The following UCKL1 variants were observed in gnomAD, a reference collection of about 807,000 sequenced individuals.
The protein encoded by UCKL1 is uridine-cytidine kinase 1 like 1, also known as uridine-cytidine kinase-like 1.
A neutral mutation model predicts 59.2 loss-of-function variants in UCKL1; 65 were observed. The observed-to-expected ratio is 1.10, with a 90% CI of 0.90 to 1.35. The LOEUF (loss-of-function observed/expected upper bound fraction) is 1.35, where lower values mean the gene tolerates loss of function less well. UCKL1 is among the 40% of genes most tolerant of loss of function. The pLI, the probability that UCKL1 is intolerant of heterozygous loss-of-function variation, is 0.00. For synonymous variants in UCKL1, 410 were observed against 323.1 expected (o/e 1.27, Z -2.88); for missense variants, 703 against 784.3 (o/e 0.90, Z 1.24).
intron 1 of UCKL1, among the ~76,000 whole-genome samples, chr20:63,949,157 G>A (rs960844686): frequency 6.6e-6 from 1 of 152,198 alleles, no homozygotes; most frequent in Non-Finnish European, 1.5e-5. Context: ...AGTGAGCACG[G>A]GGAATAATCA....
At position 63,941,052 on chromosome 20, in the gene UCKL1, C is replaced by T. The variant is rs1229805631; in HGVS notation, c.1023-9G>A. On this transcript the variant is annotated splice_polypyrimidine_tract_variant and intron_variant, in intron 9 of 14. Transcript: ENST00000354216. Reference sequence around the variant, plus strand: ...GACTGGTCTCCTTGTCCCTGTGGGGCCAACAGTTGAGCGGGAGCACGCGCC... The same window carrying T: ...GACTGGTCTCCTTGTCCCTGTGGGGTCAACAGTTGAGCGGGAGCACGCGCC... 6.3e-7 allele frequency: 1 copy of T among 1,588,974 alleles called. No homozygotes were observed. The highest frequency in any genetic ancestry group is 1.4e-5 in the African/African-American group (1 of 73,806).
intron 7 of UCKL1, among the ~76,000 whole-genome samples, chr20:63,944,048 C>G (rs547484847): frequency 1.3e-5 from 2 of 152,184 alleles, no homozygotes; most frequent in Non-Finnish European, 2.9e-5. Context: ...CCTGGCCTGG[C>G]GTGGGACTCA....
intron 1 of UCKL1, among the ~76,000 whole-genome samples, chr20:63,952,108 C>T (rs1206647764): frequency 6.6e-6 from 1 of 152,228 alleles, no homozygotes; most frequent in East Asian, 1.9e-4. Context: ...TTCCTCTCCT[C>T]ATTCTGCTCC....
At chr20:63,954,974 G>C (rs994450037) in intron 1 of UCKL1, 1 of 152,258 alleles carries the variant, frequency 6.6e-6, no homozygotes, top group African/African-American at 2.4e-5. Flanking sequence ...TTGGTGGCTG[G>C]GCGCGGTGGC....
At chr20:63,952,587 C>T (rs1346544294) in intron 1 of UCKL1, among the ~76,000 whole-genome samples, 1 of 152,234 alleles carries the variant, frequency 6.6e-6, no homozygotes, top group Admixed American at 6.5e-5. Flanking sequence ...ACTTCCTGAG[C>T]TGGGCCGGTC....
chr20:63,940,982 T>C lies in UCKL1; in HGVS notation c.1084A>G (p.Ile362Val). 1 of 1,529,912 alleles carries C rather than the reference T, an allele frequency of 6.5e-7. No individual in the cohort carries two copies. The highest frequency in any genetic ancestry group is 8.8e-7 in the Non-Finnish European group (1 of 1,136,486). 94.8% of individuals were successfully genotyped at this position (1,529,912 alleles called of 1,614,324 possible). Residue 362 changes from isoleucine to valine, a missense_variant, in exon 10 of 15, where the codon ATC (isoleucine) becomes GTC (valine). By Grantham distance (29) the Ile-to-Val change is conservative. Around this residue, in one of 4 missense-constraint regions of UCKL1, gnomAD observed 156 missense variants for 185.6 expected, o/e 0.84. Transcript: ENST00000354216. ...GGCAGGAAGGAGAGCGCGTGCTCGATGAGCAGCCGCATCAGTCTCTTGGAG... is the reference window on the plus strand; with the variant it reads ...GGCAGGAAGGAGAGCGCGTGCTCGACGAGCAGCCGCATCAGTCTCTTGGAG... ...FYSKRLMRLLIEHALSFLPFQ... is the reference protein window; with the variant it reads ...FYSKRLMRLLVEHALSFLPFQ...
chr20:63,942,486 T>C, intron 8 of UCKL1: 2 of 1,175,312 alleles, frequency 1.7e-6, no homozygotes, highest in African/African-American at 1.6e-5. Context: ...CAACGTAGCT[T>C]CCTCTGCTTG....
chr20:63,942,417 A>G, intron 8 of UCKL1: 1 of 1,173,530 alleles, frequency 8.5e-7, no homozygotes, highest in South Asian at 1.6e-5. Context: ...CAGCGGGGCA[A>G]GGGGCTACGG....
At chr20:63,949,024 G>A (rs2057134055) in intron 1 of UCKL1, among the ~76,000 whole-genome samples, 1 of 152,134 alleles carries the variant, frequency 6.6e-6, no homozygotes, top group Non-Finnish European at 1.5e-5. Context: ...CCTGGGCCCA[G>A]AGAACAGTGT....
At chr20:63,950,343 A>C (rs1404296876) in intron 1 of UCKL1, among the ~76,000 whole-genome samples, 1 of 152,176 alleles carries the variant, frequency 6.6e-6, no homozygotes, top group East Asian at 1.9e-4. Context: ...TGGAGGCTGC[A>C]GTGGGAGGAC....
chr20:63,943,184 A>G (rs1272140078), intron 8 of UCKL1, among the ~76,000 whole-genome samples: 1 of 152,212 alleles, frequency 6.6e-6, no homozygotes, highest in Admixed American at 6.5e-5. Flanking sequence ...AGCTGGGGCA[A>G]GCAGGACCCG....
At chr20:63,944,295 A>C in intron 7 of UCKL1, 102 bp downstream of exon 7, 1 of 1,185,958 alleles carries the variant, frequency 8.4e-7, no homozygotes, top group Non-Finnish European at 1.2e-6. Flanking sequence ...GGGGACAGTG[A>C]ACGCAGGGGG....
intron 1 of UCKL1, among the ~76,000 whole-genome samples, chr20:63,947,226 G>A (rs1247377371): frequency 6.6e-6 from 1 of 152,240 alleles, no homozygotes; most frequent in Non-Finnish European, 1.5e-5. Context: ...AAGGAGGAGA[G>A]GCGCTATCTT....
intron 1 of UCKL1, among the ~76,000 whole-genome samples, chr20:63,952,070 C>T (rs1483769896): frequency 1.3e-5 from 2 of 152,186 alleles, no homozygotes; most frequent in Admixed American, 6.5e-5. Context: ...GAGGCAGGAC[C>T]GGCCCATCTG....
In UCKL1 at chr20:63,946,179, G is replaced by C; in HGVS notation, c.393C>G (p.Ser131=). Residue 131 remains serine (S), a synonymous_variant, in exon 3 of 15, where the codon TCC becomes TCG. Coordinates refer to ENST00000354216, the MANE Select transcript of UCKL1 (RefSeq NM_017859.4). ...ALDVPWVVLL[S]MDSFYKVLTE... is the part of the protein sequence containing the mutation. ...GGCCCACCTTGTAGAAGGAGTCCAT[G>C]GACAGCAAGACCACCCAGGGCACAT... The C allele has an allele frequency of 6.2e-7, 1 of 1,612,178 alleles. No homozygotes were observed. The highest frequency in any genetic ancestry group is 8.5e-7 in the Non-Finnish European group (1 of 1,179,658).
At chr20:63,946,731 C>T (rs2056340461) in intron 1 of UCKL1, 88 bp from the exon 2 acceptor site, 1 of 1,401,608 alleles carries the variant, frequency 7.1e-7, no homozygotes, top group African/African-American at 1.4e-5. Flanking sequence ...GGCACCCCCC[C>T]CACCCCCTCA....
intron 1 of UCKL1, chr20:63,954,791 C>A (rs1254391229): frequency 3.5e-4 from 53 of 152,314 alleles, no homozygotes; most frequent in Admixed American, 3.5e-3. Context: ...TAACAACAGT[C>A]TCTGCCTCGT....
chr20:63,944,258 C>T, intron 7 of UCKL1, 139 bp downstream of exon 7: 5 of 824,336 alleles, frequency 6.1e-6, no homozygotes, highest in Admixed American at 2.5e-5. Flanking sequence ...CAAGCAGGCT[C>T]AGGACACTCA....
chr20:63,955,932 G>C, intron 1 of UCKL1: 1 of 218,044 alleles, frequency 4.6e-6, no homozygotes, highest in Non-Finnish European at 9.2e-6. Flanking sequence ...AGACCAACTC[G>C]CACAGTCGAG....
Sources: allele counts gnomAD v4.1 joint callset (sites outside exome capture counted in the v4.1 genomes callset), GRCh38; gene constraint gnomAD v4.1.1; regional missense constraint gnomAD v4.1.1; transcripts MANE v1.5; gene names NCBI Gene and HGNC (gene_info 2026-07-23, HGNC 2026-07-21).